The following PTPRO variants were observed in gnomAD, a reference collection of about 807,000 sequenced individuals.
The protein encoded by PTPRO is receptor-type tyrosine-protein phosphatase O.
Under a neutral mutation model 145.2 loss-of-function variants are expected in PTPRO, and 62 were observed. That is an observed-to-expected ratio of 0.43 (90% CI 0.35 to 0.53). The LOEUF is 0.53. PTPRO is among the 20% of genes least tolerant of loss of function. The pLI is 0.01. For synonymous variants in PTPRO, 565 were observed against 514.7 expected, an observed-to-expected ratio of 1.10 and a Z score of -1.32; for missense variants, 1,345 against 1,482.7, an observed-to-expected ratio of 0.91 and a Z score of 1.53.
chr12:15,393,093 T>C (rs1939235553), intron 1 of PTPRO, among the ~76,000 whole-genome samples: 2 of 152,218 alleles, frequency 1.3e-5, no homozygotes, highest in Non-Finnish European at 2.9e-5. Context: ...ACTCAGATCA[T>C]GTTTTCTTGC....
chr12:15,549,276 T>C (rs776466413), intron 14 of PTPRO, 50 bp downstream of exon 14: 1 of 1,328,574 alleles, frequency 7.5e-7, no homozygotes, highest in South Asian at 1.7e-5. Context: ...TGAATATATA[T>C]ATATATATGT....
chr12:15,446,814 T>G (rs1940914610), intron 1 of PTPRO, among the ~76,000 whole-genome samples: 1 of 151,880 alleles, frequency 6.6e-6, no homozygotes, highest in African/African-American at 2.4e-5. Flanking sequence ...TAGGAAAAGA[T>G]ACCCTCAAAA....
chr12:15,551,454 G>T (rs1419885872), intron 14 of PTPRO, 97 bp from the exon 15 acceptor site: 2 of 1,456,992 alleles, frequency 1.4e-6, no homozygotes, highest in Non-Finnish European at 1.9e-6. Context: ...ATCATCGTAA[G>T]CTCACTGCCC....
At chr12:15,398,439 C>G (rs770515804) in intron 1 of PTPRO, among the ~76,000 whole-genome samples, 1 of 151,882 alleles carries the variant, frequency 6.6e-6, no homozygotes, top group Non-Finnish European at 1.5e-5. Flanking sequence ...TGTTCCAATT[C>G]CAGGGCTACT....
chr12:15,508,839 G>A, intron 7 of PTPRO, 72 bp downstream of exon 7: 1 of 1,477,750 alleles, frequency 6.8e-7, no homozygotes, highest in East Asian at 2.3e-5. Flanking sequence ...ATGCCAAGGA[G>A]GCAATTGTAG....
At chr12:15,576,960 A>T (rs1027636022) in intron 19 of PTPRO, among the ~76,000 whole-genome samples, 14 of 152,198 alleles carry the variant, frequency 9.2e-5, no homozygotes, top group Non-Finnish European at 1.9e-4. Context: ...AACTACCAAA[A>T]GGAACTAACC....
chr12:15,368,254 T>C (rs1938422668), intron 1 of PTPRO, among the ~76,000 whole-genome samples: 1 of 152,146 alleles, frequency 6.6e-6, no homozygotes, highest in South Asian at 2.1e-4. Context: ...ATTCCCATCC[T>C]CACCACCACC....
intron 1 of PTPRO, among the ~76,000 whole-genome samples, chr12:15,431,990 T>C (rs1203514849): frequency 7.2e-5 from 11 of 152,130 alleles, no homozygotes; most frequent in African/African-American, 2.4e-4. Context: ...CTGTTTTTTG[T>C]TTTTGTTTTT....
intron 1 of PTPRO, among the ~76,000 whole-genome samples, chr12:15,416,189 G>C (rs1263588188): frequency 2.0e-5 from 3 of 151,628 alleles, no homozygotes; most frequent in African/African-American, 4.9e-5. Context: ...TAAGACTTTG[G>C]AACCTTTCCC....
intron 1 of PTPRO, among the ~76,000 whole-genome samples, chr12:15,469,532 T>C (rs1941491211): frequency 6.6e-6 from 1 of 152,154 alleles, no homozygotes; most frequent in African/African-American, 2.4e-5. Flanking sequence ...TTCCAGGTCT[T>C]TAAACTTCTC....
intron 1 of PTPRO, among the ~76,000 whole-genome samples, chr12:15,436,056 T>C (rs1940586956): frequency 6.6e-6 from 1 of 152,138 alleles, no homozygotes; most frequent in Non-Finnish European, 1.5e-5. Context: ...AAGGCAGAAA[T>C]AAAGATGTTC....
At chr12:15,455,242 G>T (rs1028804140) in intron 1 of PTPRO, among the ~76,000 whole-genome samples, 6 of 151,922 alleles carry the variant, frequency 3.9e-5, no homozygotes, top group African/African-American at 1.5e-4. Context: ...CTATCCATCA[G>T]ATCTCTGCTG....
At chr12:15,546,729 C>T in intron 13 of PTPRO, 21 bp downstream of exon 13, 1 of 1,613,600 alleles carries the variant, frequency 6.2e-7, no homozygotes, top group East Asian at 2.2e-5. Context: ...TTTTGATCTA[C>T]CTTTTCTCAG....
chr12:15,361,101 G>T (rs1222726105), intron 1 of PTPRO, among the ~76,000 whole-genome samples: 1 of 151,246 alleles, frequency 6.6e-6, no homozygotes, highest in Non-Finnish European at 1.5e-5. Context: ...GAGAAATTAT[G>T]ATAAATATTT....
chr12:15,568,623 T>C (rs1328505013), intron 18 of PTPRO, among the ~76,000 whole-genome samples: 1 of 151,748 alleles, frequency 6.6e-6, no homozygotes, highest in African/African-American at 2.4e-5. Context: ...TTGGTTTAGG[T>C]AGGCTCTAGA....
chr12:15,485,563 G>A (rs1471922511), intron 2 of PTPRO, among the ~76,000 whole-genome samples: 5 of 152,078 alleles, frequency 3.3e-5, no homozygotes, highest in Non-Finnish European at 5.9e-5. Context: ...AGTTGAGCAA[G>A]TAATAGGAGA....
chr12:15,371,995 T>C (rs1392088241), intron 1 of PTPRO, among the ~76,000 whole-genome samples: 1 of 152,206 alleles, frequency 6.6e-6, no homozygotes, highest in Non-Finnish European at 1.5e-5. Context: ...CTATATAAAT[T>C]GCCCAGTCTC....
chr12:15,471,277 G>A (rs1941534900), intron 1 of PTPRO, among the ~76,000 whole-genome samples: 2 of 152,058 alleles, frequency 1.3e-5, no homozygotes, highest in South Asian at 2.1e-4. Context: ...ATACTTGGGA[G>A]GCTGAGGTGG....
At chr12:15,458,460 T>C (rs1014686312) in intron 1 of PTPRO, among the ~76,000 whole-genome samples, 1 of 152,038 alleles carries the variant, frequency 6.6e-6, no homozygotes, top group South Asian at 2.1e-4. Context: ...CTTGTGAAAT[T>C]CCCATAATGC....
Sources: gnomAD v4.1 joint callset for allele counts (sites outside exome capture counted in the v4.1 genomes callset) on GRCh38, gnomAD v4.1.1 for gene constraint, MANE v1.5 for transcripts, NCBI Gene and HGNC (gene_info 2026-07-23, HGNC 2026-07-21) for gene names.